The following ZIC3 variants were observed in gnomAD, a reference collection of about 807,000 sequenced individuals.
The protein encoded by ZIC3 is zinc finger protein ZIC 3.
ZIC3 carries 6 observed loss-of-function variants against 18.3 expected under a neutral mutation model. The observed-to-expected ratio is 0.33, with a 90% CI of 0.18 to 0.65. ZIC3 has a LOEUF of 0.65. Ranked by LOEUF, ZIC3 falls within the 30% of genes least tolerant of loss-of-function variation. The pLI, the probability that ZIC3 is intolerant of heterozygous loss-of-function variation, is 0.75. For missense variants in ZIC3, 260 were observed against 410.0 expected (o/e 0.63, Z 3.16); for synonymous variants, 175 against 177.0 (o/e 0.99, Z 0.09).
At chrX:137,574,302 G>A (rs746159484), downstream of ZIC3, among the ~76,000 whole-genome samples, 2 of 113,624 alleles carry the variant, frequency 1.8e-5, no homozygotes, top group South Asian at 3.5e-4. Flanking sequence ...CAGCGCCTGG[G>A]ATAGAGGGGG....
Position 137,568,351 on chromosome X carries a change from T to G in ZIC3, c.1061-551T>G, listed in dbSNP as rs866089553. 8.9e-4 allele frequency among the ~76,000 whole-genome samples: 97 copies of G among 109,125 alleles called. 1 individual carries two copies. The highest frequency in any genetic ancestry group is 4.7e-3 in the Middle Eastern group (1 of 215). The allele number at this position is 109,125 out of a possible 115,157, so 94.8% of individuals were successfully genotyped here. On this transcript the variant is annotated intron_variant, in intron 1 of 2. Transcript: ENST00000287538. ...CCCTGGATCGATCGATCTATCTATC[T>G]ATCTATCTATCTATCTATCTATCTA... is the stretch of plus-strand genomic sequence containing the variant.
At chrX:137,568,685 C>CG in intron 1 of ZIC3, 28 of 129,127 alleles carry the variant, frequency 2.2e-4, no homozygotes, top group South Asian at 1.1e-3. Context: ...GGGCCGGCCC[C>CG]GCCCCACCCC....
At position 137,566,175 on chromosome X, in the gene ZIC3, G is replaced by A. The variant is rs1383760346; in HGVS notation, c.-517G>A. On this transcript the variant is annotated 5_prime_UTR_variant, in exon 1 of 3. Coordinates refer to ENST00000287538, the MANE Select transcript of ZIC3 (RefSeq NM_003413.4). ...GAGGCGAAGAGGCTGGGACTCGCGC[G>A]GCGAGCGGCAAGCGGCGAGTAACGA... 1.4e-5 allele frequency: 2 copies of A among 145,011 alleles called. No homozygotes were observed. The highest frequency in any genetic ancestry group is 2.1e-4 in the East Asian group (1 of 4,819). 12.0% of individuals were successfully genotyped at this position (145,011 alleles called of 1,213,427 possible).
chrX:137,566,453 C>A lies in ZIC3; in HGVS notation c.-239C>A. 1 of 375,193 alleles carries A rather than the reference C, an allele frequency of 2.7e-6. No homozygotes were observed. 30.9% of individuals were successfully genotyped at this position (375,193 alleles called of 1,213,427 possible). Reference sequence around the variant, plus strand: ...GAGTCTTTTCTCCTCCCTTCTCCTCCCTCCTCCTCCCCCCGCCAACACCCC... The same window carrying A: ...GAGTCTTTTCTCCTCCCTTCTCCTCACTCCTCCTCCCCCCGCCAACACCCC... On this transcript the variant is annotated 5_prime_UTR_variant, in exon 1 of 3. Transcript: ENST00000287538.
At position 137,569,961 on chromosome X, in the gene ZIC3, C is replaced by CTA. The variant is rs1305016212; in HGVS notation, c.1298_1299dup (p.Ala434Ter). ...GGCTATGAATCTTCCACTCCACCCG[C>CTA]TATAGCTTCTGCAAACAGTAAAGAT... On this transcript the variant is annotated frameshift_variant, in exon 3 of 3. Coordinates refer to ENST00000287538, the MANE Select transcript of ZIC3 (RefSeq NM_003413.4). LOFTEE classifies it high-confidence loss of function. 30 of 1,211,839 alleles carry CTA rather than the reference C, an allele frequency of 2.5e-5. No homozygotes were observed. Among genetic ancestry groups the CTA allele is most frequent in the Non-Finnish European group, 3.4e-5 (30 of 895,493 alleles).
chrX:137,570,254 G>A lies in ZIC3; in HGVS notation c.*184G>A, dbSNP rs1262376501. The A allele has an allele frequency of 3.9e-6, 2 of 516,561 alleles. No individual in the cohort carries two copies. Among genetic ancestry groups the A allele is most frequent in the Non-Finnish European group, 3.2e-6 (1 of 315,608 alleles). 42.6% of individuals were successfully genotyped at this position (516,561 alleles called of 1,213,427 possible). A position where few individuals can be genotyped will look rare whatever the true frequency, so the allele number is the denominator to read the frequency against. ...AAAAGTAGCCATGCCCTTTTCTCAGGATAGAAAATATGTTTTGGCATTTGA... is the reference window on the plus strand; with the variant it reads ...AAAAGTAGCCATGCCCTTTTCTCAGAATAGAAAATATGTTTTGGCATTTGA... On this transcript the variant is annotated 3_prime_UTR_variant, in exon 3 of 3. Coordinates refer to ENST00000287538, the MANE Select transcript of ZIC3 (RefSeq NM_003413.4).
exon 3 of ZIC3, chrX:137,577,560 C>A: frequency 6.1e-6 from 1 of 164,005 alleles, no homozygotes; most frequent in Non-Finnish European, 1.2e-5. Flanking sequence ...TACCAGCATT[C>A]TATATGTAGA....
downstream of ZIC3, among the ~76,000 whole-genome samples, chrX:137,574,270 C>G (rs778819662): frequency 3.1e-4 from 35 of 113,589 alleles, no homozygotes; most frequent in African/African-American, 1.0e-3. Flanking sequence ...TCCTCTCTCG[C>G]TCGGCCCCTC....
downstream of ZIC3, among the ~76,000 whole-genome samples, chrX:137,574,590 C>G (rs1931489064): frequency 8.9e-6 from 1 of 112,989 alleles, no homozygotes; most frequent in African/African-American, 3.2e-5. Flanking sequence ...GCCCTGCCCG[C>G]GCCGCGCGCA....
downstream of ZIC3, among the ~76,000 whole-genome samples, chrX:137,572,210 C>T (rs1028862269): frequency 5.3e-5 from 6 of 112,223 alleles, no homozygotes; most frequent in African/African-American, 1.6e-4. Context: ...TCTGTGAATG[C>T]GGTTGAAGCA....
intron 1 of ZIC3, 92 bp from the exon 2 acceptor site, chrX:137,568,810 A>G: frequency 9.5e-7 from 1 of 1,053,190 alleles, no homozygotes; most frequent in Non-Finnish European, 1.3e-6. Flanking sequence ...CTTTCCGGGA[A>G]GACCGCCGGG....
rs1421506987 is a variant in ZIC3 at position 137,570,401 on chromosome X, T to C, written c.*331T>C. The stretch of plus-strand genomic sequence containing the variant: ...TGTCCTGTTTCTTGAGAGGAAGTTA[T>C]AGAAGGCTTGTTGGTGGTGGTGATG... On this transcript the variant is annotated 3_prime_UTR_variant, in exon 3 of 3. Transcript: ENST00000287538. The C allele has an allele frequency of 7.2e-6, 2 of 276,833 alleles. No homozygotes were observed. The highest frequency in any genetic ancestry group is 2.7e-5 in the African/African-American group (1 of 36,691). The allele number at this position is 276,833 out of a possible 1,213,427, so 22.8% of individuals were successfully genotyped here.
intron 1 of ZIC3, among the ~76,000 whole-genome samples, chrX:137,568,561 G>A (rs1171685275): frequency 1.8e-5 from 2 of 111,935 alleles, no homozygotes; most frequent in Non-Finnish European, 3.8e-5. Context: ...GTGGCGGAAC[G>A]TGGCCGCGCA....
exon 3 of ZIC3, chrX:137,577,473 T>C: frequency 3.3e-6 from 1 of 307,459 alleles, no homozygotes; most frequent in Non-Finnish European, 5.7e-6. Context: ...AAGATGGAGG[T>C]GAAGACTGGC....
downstream of ZIC3, among the ~76,000 whole-genome samples, chrX:137,574,977 GT>G (rs1007960446): frequency 8.9e-6 from 1 of 111,813 alleles, no homozygotes; most frequent in Non-Finnish European, 1.9e-5. Context: ...TGCTTTTTGG[GT>G]TTGGGGTTCC....
At position 137,567,758 on chromosome X, in the gene ZIC3, G is replaced by GA; in HGVS notation, c.1060+13dup. 4.1e-6 allele frequency: 5 copies of GA among 1,211,807 alleles called. No individual in the cohort carries two copies. Among genetic ancestry groups the GA allele is most frequent in the Non-Finnish European group, 5.6e-6 (5 of 895,629 alleles). The stretch of plus-strand genomic sequence containing the variant: ...CACAAGAGGACCCACACAGGTAAGG[G>GA]AAAAAAGCAGGCGGGCGTGGGTTCC... On this transcript the variant is annotated splice_region_variant and intron_variant, in intron 1 of 2. Coordinates refer to ENST00000287538, the MANE Select transcript of ZIC3 (RefSeq NM_003413.4).
At chrX:137,577,653 T>C (rs1282391557) in exon 3 of ZIC3, 2 of 115,661 alleles carry the variant, frequency 1.7e-5, no homozygotes, top group African/African-American at 6.4e-5. Context: ...CCAGGATCCC[T>C]TTAATTTTTG....
chrX:137,577,006 A>G, downstream of ZIC3: 1 of 422,583 alleles, frequency 2.4e-6, no homozygotes, highest in African/African-American at 2.4e-5. Context: ...ATCGTGTTTT[A>G]TTATAAACCA....
chrX:137,568,676 G>A (rs1248875515), intron 1 of ZIC3: 1 of 195,557 alleles, frequency 5.1e-6, no homozygotes, highest in Non-Finnish European at 9.2e-6. Flanking sequence ...TCAGGTTTTG[G>A]GCCGGCCCCG....
Sources: gnomAD v4.1 joint callset for allele counts (sites outside exome capture counted in the v4.1 genomes callset) on GRCh38, gnomAD v4.1.1 for gene constraint, MANE v1.5 for transcripts, NCBI Gene and HGNC (gene_info 2026-07-23, HGNC 2026-07-21) for gene names.